GPR158: variants seen among roughly 807,000 people sequenced by gnomAD.
GPR158 encodes the protein G protein-coupled receptor 158, also known as metabotropic glycine receptor.
GPR158 carries 30 observed loss-of-function variants against 78.2 expected under a neutral mutation model. The ratio of observed to expected loss-of-function variants is 0.38; its 90% confidence interval spans 0.29 to 0.52. The LOEUF (loss-of-function observed/expected upper bound fraction) is 0.52, where lower values mean the gene tolerates loss of function less well. Among genes scored for constraint, GPR158 ranks in the 20% least tolerant of loss-of-function variants. The pLI is 0.83. For synonymous variants in GPR158, 581 were observed against 591.1 expected (o/e 0.98, Z 0.25); for missense variants, 1,463 against 1,523.5 (o/e 0.96, Z 0.66).
intron 5 of GPR158, among the ~76,000 whole-genome samples, chr10:25,504,296 G>A (rs1231060091): frequency 1.3e-5 from 2 of 152,200 alleles, no homozygotes; most frequent in African/African-American, 2.4e-5. Flanking sequence ...GTGAATGGCA[G>A]AATAAGTGAA....
chr10:25,289,527 G>C (rs1157466570), intron 2 of GPR158, among the ~76,000 whole-genome samples: 1 of 151,944 alleles, frequency 6.6e-6, no homozygotes, highest in Non-Finnish European at 1.5e-5. Context: ...CTGCCTCCTG[G>C]GTTCACCCCA....
chr10:25,402,653 G>A (rs191070259), intron 3 of GPR158, among the ~76,000 whole-genome samples: 5 of 151,914 alleles, frequency 3.3e-5, no homozygotes, highest in African/African-American at 1.2e-4. Context: ...AGTAAATACA[G>A]CAGAATGTAA....
chr10:25,469,438 T>C (rs1043331473), intron 5 of GPR158, among the ~76,000 whole-genome samples: 20 of 152,120 alleles, frequency 1.3e-4, no homozygotes, highest in African/African-American at 4.8e-4. Flanking sequence ...GCCAAAAGCC[T>C]AGGACTCATT....
chr10:25,388,698 G>C (rs1181015314), intron 2 of GPR158, among the ~76,000 whole-genome samples: 1 of 152,250 alleles, frequency 6.6e-6, no homozygotes, highest in African/African-American at 2.4e-5. Context: ...GAGCCAGTGG[G>C]AGCTGGGAGC....
At chr10:25,400,620 T>A (rs1481466187) in intron 3 of GPR158, among the ~76,000 whole-genome samples, 3 of 152,190 alleles carry the variant, frequency 2.0e-5, no homozygotes, top group Non-Finnish European at 4.4e-5. Context: ...TACTGATGTT[T>A]CACTGTCTCT....
intron 5 of GPR158, among the ~76,000 whole-genome samples, chr10:25,472,174 T>G (rs367915254): frequency 6.6e-6 from 1 of 152,166 alleles, no homozygotes; most frequent in Non-Finnish European, 1.5e-5. Flanking sequence ...TTCAGCTTTC[T>G]ACATATGGCT....
chr10:25,424,497 T>A (rs1834792725), intron 4 of GPR158, among the ~76,000 whole-genome samples: 1 of 151,430 alleles, frequency 6.6e-6, no homozygotes, highest in South Asian at 2.1e-4. Flanking sequence ...GGTTTTCTTC[T>A]AGGGTTTTTA....
intron 2 of GPR158, among the ~76,000 whole-genome samples, chr10:25,231,129 A>G (rs915363964): frequency 2.0e-5 from 3 of 152,184 alleles, no homozygotes; most frequent in Admixed American, 6.5e-5. Flanking sequence ...TTTCTCTGTG[A>G]TAATGATAAA....
intron 1 of GPR158, among the ~76,000 whole-genome samples, chr10:25,217,256 T>C (rs1460464600): frequency 1.3e-5 from 2 of 152,140 alleles, no homozygotes; most frequent in Non-Finnish European, 2.9e-5. Context: ...CTGGAGGAAC[T>C]TTAGGATTTT....
chr10:25,238,499 G>A (rs1853559313), intron 2 of GPR158, among the ~76,000 whole-genome samples: 1 of 152,142 alleles, frequency 6.6e-6, no homozygotes, highest in African/African-American at 2.4e-5. Flanking sequence ...AATGGTCAAG[G>A]TGTGTTTTTA....
chr10:25,188,428 AAC>A (rs1274350557), intron 1 of GPR158, among the ~76,000 whole-genome samples: 1 of 152,236 alleles, frequency 6.6e-6, no homozygotes, highest in Non-Finnish European at 1.5e-5. Context: ...ACTGGTATCA[AAC>A]ACAGATATAG....
At chr10:25,222,199 A>G (rs1301731341) in intron 2 of GPR158, among the ~76,000 whole-genome samples, 1 of 151,904 alleles carries the variant, frequency 6.6e-6, no homozygotes, top group Non-Finnish European at 1.5e-5. Context: ...CACAACCCAC[A>G]TACCCCTGTA....
chr10:25,208,359 TTGAA>T (rs1377168423), intron 1 of GPR158, among the ~76,000 whole-genome samples: 1 of 152,190 alleles, frequency 6.6e-6, no homozygotes, highest in Non-Finnish European at 1.5e-5. Flanking sequence ...AGCGTTATAA[TTGAA>T]AGAGAAGGAG....
intron 2 of GPR158, among the ~76,000 whole-genome samples, chr10:25,241,263 C>CT (rs1245316961): frequency 3.0e-5 from 3 of 99,440 alleles, no homozygotes; most frequent in Admixed American, 1.1e-4. Flanking sequence ...TCTTTCCTTT[C>CT]TTTCTTTCCT....
chr10:25,274,621 T>C (rs1254128352), intron 2 of GPR158, among the ~76,000 whole-genome samples: 1 of 152,210 alleles, frequency 6.6e-6, no homozygotes, highest in Non-Finnish European at 1.5e-5. Context: ...CAGAATGTGA[T>C]CCACACTTAC....
chr10:25,244,879 G>A (rs934015090), intron 2 of GPR158: 1 of 151,294 alleles, frequency 6.6e-6, no homozygotes, highest in African/African-American at 2.4e-5. Flanking sequence ...CAATGGCTTG[G>A]TACTTAACCT....
At chr10:25,263,250 G>A (rs148963620) in intron 2 of GPR158, among the ~76,000 whole-genome samples, 59 of 152,262 alleles carry the variant, frequency 3.9e-4, no homozygotes, top group African/African-American at 1.4e-3. Flanking sequence ...TTTGCATGAG[G>A]ATGTCCAGTT....
chr10:25,410,305 CACTATGA>C (rs1165154789), intron 3 of GPR158, among the ~76,000 whole-genome samples: 1 of 152,124 alleles, frequency 6.6e-6, no homozygotes, highest in Non-Finnish European at 1.5e-5. Flanking sequence ...AAGAGCCAGT[CACTATGA>C]TTTCTATAAA....
At chr10:25,524,170 A>G (rs922515291) in intron 5 of GPR158, among the ~76,000 whole-genome samples, 5 of 152,216 alleles carry the variant, frequency 3.3e-5, no homozygotes, top group Non-Finnish European at 7.3e-5. Context: ...CAAGAACTAC[A>G]TAAATGGAAC....
Sources: gnomAD v4.1 joint callset for allele counts (sites outside exome capture counted in the v4.1 genomes callset) on GRCh38, gnomAD v4.1.1 for gene constraint, MANE v1.5 for transcripts, NCBI Gene and HGNC (gene_info 2026-07-23, HGNC 2026-07-21) for gene names.